Variants in INTS3 observed in about 807,000 individuals in gnomAD.
INTS3 encodes integrator complex subunit 3.
In INTS3, 34 loss-of-function variants were observed where a neutral mutation model predicts 146.3. The ratio of observed to expected loss-of-function variants is 0.23; its 90% CI spans 0.18 to 0.31. INTS3 has a LOEUF of 0.31. Ranked by LOEUF, INTS3 falls within the 10% of genes least tolerant of loss-of-function variation. INTS3 has a pLI of 1.00. For synonymous variants in INTS3, 475 were observed against 494.9 expected (o/e 0.96, Z 0.53); for missense variants, 757 against 1,304.2 (o/e 0.58, Z 6.46).
intron 13 of INTS3, chr1:153,761,141 C>T: frequency 8.3e-7 from 1 of 1,205,346 alleles, no homozygotes; most frequent in Non-Finnish European, 1.1e-6. Flanking sequence ...CCCTGTTGAC[C>T]CCCTTCAGGG....
intron 8 of INTS3, among the ~76,000 whole-genome samples, chr1:153,753,316 T>C (rs1361445181): frequency 1.3e-5 from 2 of 152,000 alleles, no homozygotes; most frequent in African/African-American, 2.4e-5. Context: ...CCCAGCACTT[T>C]GGGAGGCCGA....
Position 153,770,301 on chromosome 1 carries a change from C to G in INTS3, c.2493C>G (p.Leu831=). The part of the protein sequence containing the change: ...LETIIPILQH[L]KYKEHPEALS... ...CCATAATCCCCATCCTGCAGCACCT[C>G]AAATACAAGGGTGAGTAGGCTTTTG... is the stretch of plus-strand genomic sequence containing the variant. Residue 831 remains leucine (L), a synonymous_variant, in exon 24 of 30, where the codon CTC becomes CTG. Coordinates refer to ENST00000318967, the MANE Select transcript of INTS3 (RefSeq NM_023015.5). 1.9e-6 allele frequency: 3 copies of G among 1,601,342 alleles called. No individual in the cohort carries two copies. Among genetic ancestry groups the G allele is most frequent in the Non-Finnish European group, 2.6e-6 (3 of 1,168,388 alleles).
chr1:153,764,573 G>C lies in INTS3; in HGVS notation c.1926-117G>C, dbSNP rs1672503991. On this transcript the variant is annotated intron_variant, in intron 18 of 29. Transcript: ENST00000318967. ...CTGTTACCAAGCCTGCGGAGCAGCA[G>C]GAAGTTTGCCTTTTGGGTAGGGAAG... 7.4e-6 allele frequency: 6 copies of C among 815,924 alleles called. No individual in the cohort carries two copies. In the Admixed American group the frequency reaches 1.0e-4, roughly 14 times the overall value. The allele number at this position is 815,924 out of a possible 1,614,324, so 50.5% of individuals were successfully genotyped here.
chr1:153,738,927 C>T (rs1342823156), intron 1 of INTS3, among the ~76,000 whole-genome samples: 9 of 145,792 alleles, frequency 6.2e-5, no homozygotes, highest in African/African-American at 1.8e-4. Flanking sequence ...GTGTCTCGCT[C>T]TTGTCATCCA....
In INTS3 at chr1:153,770,283, C is replaced by G. The variant is rs765144661; in HGVS notation, c.2475C>G (p.Ile825Met). Residue 825 changes from isoleucine to methionine, a missense_variant, in exon 24 of 30, where the codon ATC becomes ATG. Ile to Met is a conservative substitution (Grantham distance 10, BLOSUM62 1). This residue lies in a region of INTS3 where 116 missense variants were observed against 226.5 expected (regional missense o/e 0.51). Coordinates refer to ENST00000318967, the MANE Select transcript of INTS3 (RefSeq NM_023015.5). ...ACAATATTCCCCTGGAGACCATAATCCCCATCCTGCAGCACCTCAAATACA... is the reference window on the plus strand; with the variant it reads ...ACAATATTCCCCTGGAGACCATAATGCCCATCCTGCAGCACCTCAAATACA... Reference protein sequence around the residue: ...LAHNIPLETIIPILQHLKYKE... With the variant: ...LAHNIPLETIMPILQHLKYKE... The G allele has an allele frequency of 1.2e-6, 2 of 1,611,800 alleles. No homozygotes were observed. The highest frequency in any genetic ancestry group is 1.7e-6 in the Non-Finnish European group (2 of 1,177,912).
intron 1 of INTS3, 55 bp from the exon 2 acceptor site, chr1:153,740,596 G>A: frequency 7.6e-7 from 1 of 1,315,692 alleles, no homozygotes; most frequent in Non-Finnish European, 1.1e-6. Flanking sequence ...GGGCCCAGAA[G>A]TACTTCCTAA....
rs761183890 is a variant in INTS3 at position 153,767,652 on chromosome 1, TCAGGCCCAGCTGG to T, written c.2091-21_2091-9del. 4.4e-5 allele frequency: 68 copies of T among 1,552,590 alleles called. No homozygotes were observed. Among genetic ancestry groups the T allele is most frequent in the Non-Finnish European group, 5.8e-5 (66 of 1,143,136 alleles). ...TGGGCACTGGGGTCAGGCTGCTGGC[TCAGGCCCAGCTGG>T]TCTTGCAGCAAAGCCGCCGCAGGGA... On this transcript the variant is annotated splice_polypyrimidine_tract_variant and intron_variant, in intron 20 of 29. Transcript: ENST00000318967.
At position 153,764,877 on chromosome 1, in the gene INTS3, A is replaced by C. The variant is rs570498928; in HGVS notation, c.1971-67A>C. On this transcript the variant is annotated intron_variant, in intron 19 of 29. Transcript: ENST00000318967. The stretch of plus-strand genomic sequence containing the variant: ...GGGCACAGACAGCCCATGCCACCTG[A>C]GAAACTCCATGGGAGAGTCTGCCCT... 2.7e-5 allele frequency: 44 copies of C among 1,604,552 alleles called. No homozygotes were observed. In the African/African-American group the frequency reaches 4.8e-4, roughly 18 times the overall value.
chr1:153,747,344 G>A lies in INTS3; in HGVS notation c.498G>A (p.Thr166=), dbSNP rs754079453. 85 of 1,613,890 alleles carry A rather than the reference G, an allele frequency of 5.3e-5. No individual in the cohort carries two copies. The Middle Eastern group carries it at 1.2e-3, about 22-fold the overall frequency. ...GVLGADGVCM[T]FMKQIAGGDV... is the part of the protein sequence containing the mutation. ...TGGGAGCCGATGGTGTTTGTATGAC[G>A]TTTATGAAGCAGATTGCAGGTGAGT... The change falls in exon 5 of 30, where the codon ACG becomes ACA. Residue 166 remains threonine, a synonymous_variant. Transcript: ENST00000318967.
chr1:153,752,107 C>A (rs1245693471), intron 7 of INTS3, 172 bp from the exon 8 acceptor site: 2 of 704,364 alleles, frequency 2.8e-6, no homozygotes, highest in Admixed American at 4.9e-5. Context: ...TTCCAGCTCT[C>A]TTCCCCTGAA....
chr1:153,729,198 C>T (rs1433120452), intron 1 of INTS3, among the ~76,000 whole-genome samples: 37 of 152,110 alleles, frequency 2.4e-4, no homozygotes, highest in Admixed American at 2.4e-3. Flanking sequence ...TGGCAGTAGA[C>T]CTTGGACCCT....
intron 11 of INTS3, 125 bp downstream of exon 11, chr1:153,759,738 CTGT>C (rs1266274455): frequency 4.4e-6 from 3 of 679,798 alleles, no homozygotes; most frequent in Non-Finnish European, 7.9e-6. Flanking sequence ...GGGAGCAGCT[CTGT>C]TGTTCCTCAT....
At chr1:153,763,776 C>T (rs1441654796) in intron 16 of INTS3, 56 bp from the exon 17 acceptor site, 2 of 1,454,760 alleles carry the variant, frequency 1.4e-6, no homozygotes, top group Non-Finnish European at 1.9e-6. Flanking sequence ...GGGTGTGTGT[C>T]CTGCCCTCTG....
intron 11 of INTS3, 184 bp from the exon 12 acceptor site, chr1:153,760,127 G>A: frequency 1.7e-6 from 1 of 592,706 alleles, no homozygotes; most frequent in Admixed American, 3.0e-5. Context: ...AGCTGCTGGG[G>A]AGGTTGAGGC....
chr1:153,749,613 G>A (rs1318198114), intron 6 of INTS3, among the ~76,000 whole-genome samples: 4 of 152,230 alleles, frequency 2.6e-5, no homozygotes, highest in Non-Finnish European at 4.4e-5. Context: ...GGGCACGGAT[G>A]TGCAGCCACA....
At position 153,773,547 on chromosome 1, in the gene INTS3, A is replaced by G. The variant is rs979244498; in HGVS notation, c.*277A>G. 1 of 557,976 alleles carries G rather than the reference A, an allele frequency of 1.8e-6. No homozygotes were observed. Among genetic ancestry groups the G allele is most frequent in the Non-Finnish European group, 3.3e-6 (1 of 304,098 alleles). 34.6% of individuals were successfully genotyped at this position (557,976 alleles called of 1,614,324 possible). A position where few individuals can be genotyped will look rare whatever the true frequency, so the allele number is the denominator to read the frequency against. On this transcript the variant is annotated 3_prime_UTR_variant, in exon 30 of 30. Coordinates refer to ENST00000318967, the MANE Select transcript of INTS3 (RefSeq NM_023015.5). Reference sequence around the variant, plus strand: ...GCCAGAGGCTCTGTAAAATCAGACCATAGTGGAAGTCCTCAGCCCCCTGGC... The same window carrying G: ...GCCAGAGGCTCTGTAAAATCAGACCGTAGTGGAAGTCCTCAGCCCCCTGGC...
chr1:153,741,724 GT>G (rs1310043153), intron 3 of INTS3, among the ~76,000 whole-genome samples: 2 of 152,240 alleles, frequency 1.3e-5, no homozygotes, highest in African/African-American at 4.8e-5. Context: ...ATGGCCTGTA[GT>G]TTGCAGATTC....
At position 153,728,718 on chromosome 1, in the gene INTS3, A is replaced by G. The variant is rs749832059; in HGVS notation, c.84A>G (p.Ala28=). 3 of 1,609,266 alleles carry G rather than the reference A, an allele frequency of 1.9e-6. No homozygotes were observed. Among genetic ancestry groups the G allele is most frequent in the Non-Finnish European group, 2.5e-6 (3 of 1,177,500 alleles). ...GAGGTGGAGGAGGAGGAGCGGGAGC[A>G]GGAGCCCCAGGAGGGGGGAGGCTGC... is the stretch of plus-strand genomic sequence containing the variant. The part of the protein sequence containing the change: ...AAGGGGGGAG[A]GAPGGGRLLL... The change falls in exon 1 of 30, where the codon GCA becomes GCG. Residue 28 remains alanine (A), a synonymous_variant. Transcript: ENST00000318967.
chr1:153,730,614 A>G (rs779576982), intron 1 of INTS3, among the ~76,000 whole-genome samples: 9 of 152,156 alleles, frequency 5.9e-5, no homozygotes, highest in Non-Finnish European at 1.0e-4. Context: ...CGTGTTTGCT[A>G]CTAAATGAAA....
Sources: allele counts gnomAD v4.1 joint callset (sites outside exome capture counted in the v4.1 genomes callset), GRCh38; gene constraint gnomAD v4.1.1; regional missense constraint gnomAD v4.1.1; transcripts MANE v1.5; gene names NCBI Gene and HGNC (gene_info 2026-07-23, HGNC 2026-07-21).